Variants in KLF12 observed in about 807,000 individuals in gnomAD.
KLF12 encodes KLF transcription factor 12, also known as Krueppel-like factor 12.
KLF12 carries 9 observed loss-of-function variants against 37.8 expected under a neutral mutation model. That is an observed-to-expected ratio of 0.24 (90% CI 0.14 to 0.42). The LOEUF is 0.42. KLF12 is among the 10% of genes least tolerant of loss of function. The pLI, the probability that KLF12 is intolerant of heterozygous loss-of-function variation, is 1.00. For synonymous variants in KLF12, 208 were observed against 202.1 expected, an observed-to-expected ratio of 1.03 and a Z score of -0.25; for missense variants, 411 against 516.0, an observed-to-expected ratio of 0.80 and a Z score of 1.97.
At chr13:73,862,391 G>A (rs183085812) in intron 3 of KLF12, among the ~76,000 whole-genome samples, 1 of 152,248 alleles carries the variant, frequency 6.6e-6, no homozygotes, top group Non-Finnish European at 1.5e-5. Context: ...TAAGAAATGT[G>A]CCAGTGGTTC....
At chr13:73,699,651 T>C (rs529827940) in intron 7 of KLF12, among the ~76,000 whole-genome samples, 1 of 152,308 alleles carries the variant, frequency 6.6e-6, no homozygotes, top group South Asian at 2.1e-4. Context: ...TGTATTAAAA[T>C]AGCCACTGTG....
intron 1 of KLF12, among the ~76,000 whole-genome samples, chr13:74,004,688 T>C (rs993136515): frequency 1.9e-4 from 29 of 152,262 alleles, no homozygotes; most frequent in African/African-American, 6.7e-4. Flanking sequence ...GCTTTTCCAA[T>C]GAAGGAAAAG....
At chr13:73,744,577 G>A (rs1234507360) in intron 6 of KLF12, among the ~76,000 whole-genome samples, 1 of 151,234 alleles carries the variant, frequency 6.6e-6, no homozygotes, top group Non-Finnish European at 1.5e-5. Context: ...GTAATGGGGG[G>A]TTGTGGGGGG....
intron 2 of KLF12, among the ~76,000 whole-genome samples, chr13:73,982,690 A>G (rs1347619568): frequency 6.6e-6 from 1 of 152,334 alleles, no homozygotes; most frequent in African/African-American, 2.4e-5. Flanking sequence ...CAATAGCCTA[A>G]GCAGTACATT....
intron 2 of KLF12, among the ~76,000 whole-genome samples, chr13:73,992,162 T>TAA (rs1044431537): frequency 1.3e-5 from 2 of 152,088 alleles, no homozygotes; most frequent in Admixed American, 6.5e-5. Context: ...AAGCACTGGG[T>TAA]AAACATATTG....
At chr13:74,114,220 C>T (rs1412393105) in intron 1 of KLF12, among the ~76,000 whole-genome samples, 1 of 152,128 alleles carries the variant, frequency 6.6e-6, no homozygotes, top group Non-Finnish European at 1.5e-5. Context: ...CCCGATCAGT[C>T]AGCAGCCATC....
intron 1 of KLF12, among the ~76,000 whole-genome samples, chr13:74,068,322 G>A (rs1040041250): frequency 6.6e-6 from 1 of 152,008 alleles, no homozygotes; most frequent in Non-Finnish European, 1.5e-5. Flanking sequence ...TACTGAATAA[G>A]GAAGCTATCC....
chr13:74,163,809 A>C, the KLF12 span, among the ~76,000 whole-genome samples: 2 of 149,924 alleles, frequency 1.3e-5, no homozygotes, highest in African/African-American at 4.9e-5. Context: ...TTCACATTGC[A>C]TGTCTGTATC....
chr13:73,700,278 AAATAAATT>A (rs1874450453), intron 7 of KLF12, among the ~76,000 whole-genome samples: 2 of 150,784 alleles, frequency 1.3e-5, no homozygotes, highest in East Asian at 3.9e-4. Flanking sequence ...AAAAATAAAT[AAATAAATT>A]AATTAATTAA....
At chr13:73,897,159 G>T (rs1255549835) in intron 3 of KLF12, among the ~76,000 whole-genome samples, 5 of 151,864 alleles carry the variant, frequency 3.3e-5, no homozygotes, top group African/African-American at 1.2e-4. Flanking sequence ...CAAATTTACA[G>T]CATATTGAAA....
At chr13:73,706,144 A>C (rs1034136527) in intron 7 of KLF12, among the ~76,000 whole-genome samples, 1 of 152,184 alleles carries the variant, frequency 6.6e-6, no homozygotes, top group East Asian at 1.9e-4. Context: ...ACAGAGTGAG[A>C]CTCCATCTCA....
intron 1 of KLF12, among the ~76,000 whole-genome samples, chr13:74,042,175 G>A (rs1324015072): frequency 6.6e-6 from 1 of 151,960 alleles, no homozygotes; most frequent in South Asian, 2.1e-4. Context: ...ATAGTGGCAG[G>A]CACCTGTAAT....
intron 6 of KLF12, among the ~76,000 whole-genome samples, chr13:73,733,507 G>A (rs1877224243): frequency 6.6e-6 from 1 of 151,898 alleles, no homozygotes; most frequent in African/African-American, 2.4e-5. Flanking sequence ...TTCTAATGCT[G>A]ACACACACAC....
chr13:73,878,743 G>A (rs955237691), intron 3 of KLF12, among the ~76,000 whole-genome samples: 16 of 152,204 alleles, frequency 1.1e-4, no homozygotes, highest in Non-Finnish European at 2.2e-4. Flanking sequence ...AAAGTGAGAC[G>A]TGATCTGAAA....
At chr13:73,842,562 C>T (rs868783059) in intron 4 of KLF12, among the ~76,000 whole-genome samples, 81 of 152,300 alleles carry the variant, frequency 5.3e-4, no homozygotes, top group African/African-American at 1.8e-3. Context: ...GACGGATATG[C>T]GCATTCACAG....
At chr13:73,935,209 G>A (rs7992314) in intron 3 of KLF12, among the ~76,000 whole-genome samples, 52,585 of 151,504 alleles carry the variant, frequency 0.35, 9,264 homozygotes, top group Middle Eastern at 0.42. Context: ...AGCTGGTCTC[G>A]AACTCCTGAC....
At chr13:73,894,580 T>C (rs1887668982) in intron 3 of KLF12, among the ~76,000 whole-genome samples, 1 of 152,222 alleles carries the variant, frequency 6.6e-6, no homozygotes, top group East Asian at 1.9e-4. Flanking sequence ...ATCATTTAAC[T>C]TAATCACTTT....
the KLF12 span, among the ~76,000 whole-genome samples, chr13:74,261,319 A>G: frequency 2.0e-5 from 3 of 152,176 alleles, no homozygotes; most frequent in African/African-American, 4.8e-5. Context: ...CTTCACATCT[A>G]TATATTTTAC....
At chr13:73,783,612 G>A (rs936502867) in intron 5 of KLF12, among the ~76,000 whole-genome samples, 6 of 152,038 alleles carry the variant, frequency 3.9e-5, no homozygotes, top group Non-Finnish European at 5.9e-5. Flanking sequence ...CAAGTATTAT[G>A]CATGAATTAA....
Sources: gnomAD v4.1 joint callset for allele counts (sites outside exome capture counted in the v4.1 genomes callset) on GRCh38, gnomAD v4.1.1 for gene constraint, MANE v1.5 for transcripts, NCBI Gene and HGNC (gene_info 2026-07-23, HGNC 2026-07-21) for gene names.